The following HFM1 variants were observed in gnomAD, a reference collection of about 807,000 sequenced individuals.
HFM1 encodes the protein helicase for meiosis 1.
HFM1 carries 169 observed loss-of-function variants against 192.1 expected under a neutral mutation model. The observed-to-expected ratio is 0.88, with a 90% CI of 0.78 to 1.00. The LOEUF (loss-of-function observed/expected upper bound fraction) is 1.00, where lower values mean the gene tolerates loss of function less well. HFM1 is among the 50% of genes least tolerant of loss of function. The pLI, the probability that HFM1 is intolerant of heterozygous loss-of-function variation, is 0.00. For synonymous variants in HFM1, 525 were observed against 537.8 expected, an observed-to-expected ratio of 0.98 and a Z score of 0.33; for missense variants, 1,661 against 1,668.0, an observed-to-expected ratio of 1.00 and a Z score of 0.07.
At chr1:91,358,779 G>C (rs568776409) in intron 13 of HFM1, among the ~76,000 whole-genome samples, 8 of 152,140 alleles carry the variant, frequency 5.3e-5, no homozygotes, top group East Asian at 1.9e-4. Context: ...TGTTTCTTTG[G>C]GGGGGTCCCT....
Position 91,319,366 on chromosome 1 carries a change from G to T in HFM1, c.2607C>A (p.Cys869Ter). 6.2e-7 allele frequency: 1 copy of T among 1,611,810 alleles called. No homozygotes were observed. The highest frequency in any genetic ancestry group is 8.5e-7 in the Non-Finnish European group (1 of 1,178,058). The stretch of plus-strand genomic sequence containing the variant: ...TCAAAGCAAAATCTTGTATGGGAAT[G>T]CATCCTAGTTGAGCCTGAATAAGAC... The part of the protein sequence containing the change: ...VNCLIQAQLG[C>*]IPIQDFALTQ... The change falls in exon 24 of 39, where the codon TGC (cysteine) becomes TGA (stop). Residue 869 changes from cysteine to a stop codon, truncating the protein, a stop_gained. Coordinates refer to ENST00000370425, the MANE Select transcript of HFM1 (RefSeq NM_001017975.6). LOFTEE classifies it high-confidence loss of function.
At chr1:91,328,992 T>A in intron 20 of HFM1, 1 of 1,612,522 alleles carries the variant, frequency 6.2e-7, no homozygotes, top group Non-Finnish European at 8.5e-7. Context: ...AAGCTGCCAA[T>A]CCAGGAATTC....
At chr1:91,313,047 G>C (rs548525716) in intron 30 of HFM1, among the ~76,000 whole-genome samples, 36 of 152,178 alleles carry the variant, frequency 2.4e-4, no homozygotes, top group African/African-American at 8.4e-4. Flanking sequence ...ATGTGCAACT[G>C]TAAGTCCAAT....
At chr1:91,406,950 ACAGCTG>A (rs1664835896), upstream of HFM1, among the ~76,000 whole-genome samples, 3 of 152,218 alleles carry the variant, frequency 2.0e-5, no homozygotes, top group African/African-American at 7.2e-5. Flanking sequence ...TCCATTCTAG[ACAGCTG>A]CAGCCAAGAA....
At chr1:91,374,617 G>A (rs1383849721) in intron 13 of HFM1, among the ~76,000 whole-genome samples, 6 of 152,108 alleles carry the variant, frequency 3.9e-5, no homozygotes, top group Admixed American at 3.9e-4. Context: ...AGTAACTAAG[G>A]AGATAATGTA....
At chr1:91,307,596 G>A (rs915021533) in intron 30 of HFM1, among the ~76,000 whole-genome samples, 3 of 151,998 alleles carry the variant, frequency 2.0e-5, no homozygotes, top group Non-Finnish European at 4.4e-5. Context: ...GGGACCACTG[G>A]TGCACATCAC....
At chr1:91,324,826 A>C (rs2101381779) in intron 20 of HFM1, 60 bp from the exon 21 acceptor site, 1 of 896,346 alleles carries the variant, frequency 1.1e-6, no homozygotes, top group African/African-American at 1.6e-5. Flanking sequence ...CTGTTTTTTT[A>C]TGTTTAACAA....
At chr1:91,357,108 G>A (rs1005854067) in intron 13 of HFM1, among the ~76,000 whole-genome samples, 1 of 152,126 alleles carries the variant, frequency 6.6e-6, no homozygotes, top group Non-Finnish European at 1.5e-5. Context: ...TATTTTGTGA[G>A]GCTACTATCA....
chr1:91,352,535 G>C lies in HFM1; in HGVS notation c.1948C>G (p.Gln650Glu). The change falls in exon 16 of 39, where the codon CAG becomes GAG. Residue 650 changes from glutamine to glutamate, a missense_variant. By Grantham distance (29) the Gln-to-Glu change is conservative (BLOSUM62 2). Coordinates refer to ENST00000370425, the MANE Select transcript of HFM1 (RefSeq NM_001017975.6). Reference protein sequence around the residue: ...FEEYSETDILQMIGRAGRPQF... With the variant: ...FEEYSETDILEMIGRAGRPQF... ...GGTCGACCAGCTCTACCAATCATCTGTAGAATATCTGTTTCACTGTACTCT... is the reference window on the plus strand; with the variant it reads ...GGTCGACCAGCTCTACCAATCATCTCTAGAATATCTGTTTCACTGTACTCT... 6.2e-7 allele frequency: 1 copy of C among 1,607,064 alleles called. No individual in the cohort carries two copies. The highest frequency in any genetic ancestry group is 8.5e-7 in the Non-Finnish European group (1 of 1,176,566).
rs1353271826 is a variant in HFM1 at position 91,380,091 on chromosome 1, A to G, written c.1006+13T>C. 4.0e-6 allele frequency: 5 copies of G among 1,264,110 alleles called. No homozygotes were observed. Among genetic ancestry groups the G allele is most frequent in the Non-Finnish European group, 5.5e-6 (5 of 916,610 alleles). The allele number at this position is 1,264,110 out of a possible 1,614,324, so 78.3% of individuals were successfully genotyped here. ...TATTATAATTAGTCATCACTCTTAT[A>G]ATAAATACTTACTGTAAACAATTTT... On this transcript the variant is annotated intron_variant, in intron 8 of 38. Coordinates refer to ENST00000370425, the MANE Select transcript of HFM1 (RefSeq NM_001017975.6).
At chr1:91,324,432 ATTTTAGTTT>A (rs998359679) in intron 21 of HFM1, among the ~76,000 whole-genome samples, 5 of 152,168 alleles carry the variant, frequency 3.3e-5, no homozygotes, top group Non-Finnish European at 7.3e-5. Flanking sequence ...TGCCATACCT[ATTTTAGTTT>A]TGTATATAAG....
chr1:91,309,081 G>A (rs368065294), intron 30 of HFM1, among the ~76,000 whole-genome samples: 12 of 152,314 alleles, frequency 7.9e-5, no homozygotes, highest in African/African-American at 2.9e-4. Flanking sequence ...TCAAAAGGAA[G>A]AAGATGAAGG....
intron 4 of HFM1, among the ~76,000 whole-genome samples, chr1:91,391,217 C>T (rs1662943197): frequency 6.6e-6 from 1 of 152,202 alleles, no homozygotes; most frequent in Non-Finnish European, 1.5e-5. Flanking sequence ...CATCAAGCTA[C>T]CAATGACTTT....
intron 20 of HFM1, among the ~76,000 whole-genome samples, chr1:91,340,412 G>C (rs563885671): frequency 6.6e-6 from 1 of 152,270 alleles, no homozygotes; most frequent in African/African-American, 2.4e-5. Flanking sequence ...GATAAGCTAA[G>C]GGAATTGTTT....
intron 20 of HFM1, among the ~76,000 whole-genome samples, chr1:91,326,398 T>C (rs1652908842): frequency 6.6e-6 from 1 of 152,170 alleles, no homozygotes; most frequent in Non-Finnish European, 1.5e-5. Context: ...GGAGCTCCAA[T>C]GTGTCTGGCA....
At chr1:91,308,202 A>G (rs1649923643) in intron 30 of HFM1, among the ~76,000 whole-genome samples, 1 of 151,280 alleles carries the variant, frequency 6.6e-6, no homozygotes, top group Non-Finnish European at 1.5e-5. Context: ...TTCTCTCTCT[A>G]CTCTGCTTCT....
intron 1 of HFM1, among the ~76,000 whole-genome samples, chr1:91,403,119 A>T (rs1557544293): frequency 6.6e-6 from 1 of 152,096 alleles, no homozygotes; most frequent in Non-Finnish European, 1.5e-5. Context: ...TCATAGCATG[A>T]ACTGATAACT....
intron 20 of HFM1, among the ~76,000 whole-genome samples, chr1:91,326,399 G>A (rs1386284224): frequency 1.3e-5 from 2 of 152,170 alleles, no homozygotes; most frequent in African/African-American, 4.8e-5. Context: ...GAGCTCCAAT[G>A]TGTCTGGCAG....
chr1:91,379,946 A>C (rs896816806), intron 8 of HFM1, among the ~76,000 whole-genome samples, 158 bp downstream of exon 8: 1 of 152,128 alleles, frequency 6.6e-6, no homozygotes, highest in Non-Finnish European at 1.5e-5. Context: ...ATTTTGGAAA[A>C]TGTGTTTTAA....
Sources: gnomAD v4.1 joint callset for allele counts (sites outside exome capture counted in the v4.1 genomes callset) on GRCh38, gnomAD v4.1.1 for gene constraint, MANE v1.5 for transcripts, NCBI Gene and HGNC (gene_info 2026-07-23, HGNC 2026-07-21) for gene names.